Variants in REPS2 observed in about 807,000 individuals in gnomAD.
The protein encoded by REPS2 is ralBP1-associated Eps domain-containing protein 2.
A neutral mutation model predicts 53.6 loss-of-function variants in REPS2; 23 were observed. That is an observed-to-expected ratio of 0.43 (90% CI 0.31 to 0.61). The LOEUF is 0.61. Among genes scored for constraint, REPS2 ranks in the 20% least tolerant of loss-of-function variants. The pLI is 0.11. For missense variants in REPS2, 446 were observed against 534.9 expected (o/e 0.83, Z 1.64); for synonymous variants, 238 against 218.6 (o/e 1.09, Z -0.78).
chrX:17,191,804 G>T, the REPS2 span, among the ~76,000 whole-genome samples: 1 of 112,423 alleles, frequency 8.9e-6, no homozygotes, highest in African/African-American at 3.2e-5. Flanking sequence ...TTCCATTTAC[G>T]TGACACTGTG....
intron 14 of REPS2, among the ~76,000 whole-genome samples, chrX:17,128,817 T>C (rs2063254337): frequency 8.9e-6 from 1 of 111,922 alleles, no homozygotes; most frequent in South Asian, 3.7e-4. Flanking sequence ...CATTGCAAAA[T>C]TAGAGTGAAA....
intron 14 of REPS2, 47 bp downstream of exon 14, chrX:17,103,826 T>C: frequency 9.0e-7 from 1 of 1,114,784 alleles, no homozygotes; most frequent in Non-Finnish European, 1.2e-6. Flanking sequence ...GGTAGGGAAG[T>C]TGTCCTATCG....
intron 14 of REPS2, among the ~76,000 whole-genome samples, chrX:17,108,961 T>G (rs1297715752): frequency 2.3e-4 from 24 of 102,175 alleles, no homozygotes; most frequent in African/African-American, 7.6e-4. Context: ...AGAGCTTTAC[T>G]GCAGATTTAA....
chrX:17,025,260 TC>T, intron 4 of REPS2, 75 bp downstream of exon 4: 1 of 993,855 alleles, frequency 1.0e-6, no homozygotes, highest in Non-Finnish European at 1.3e-6. Context: ...CGGTAACGCT[TC>T]AAGCTGCTTA....
At chrX:16,976,394 C>T (rs1315349264) in intron 1 of REPS2, among the ~76,000 whole-genome samples, 2 of 110,556 alleles carry the variant, frequency 1.8e-5, no homozygotes, top group Non-Finnish European at 3.8e-5. Flanking sequence ...TGAAATTATT[C>T]CTCTAGGGTG....
At chrX:17,079,328 C>T (rs897315830) in intron 13 of REPS2, among the ~76,000 whole-genome samples, 5 of 111,759 alleles carry the variant, frequency 4.5e-5, no homozygotes, top group Non-Finnish European at 9.4e-5. Flanking sequence ...AACACCCCGA[C>T]TTCCTTGACC....
intron 11 of REPS2, among the ~76,000 whole-genome samples, chrX:17,072,589 G>T (rs943614367): frequency 8.9e-6 from 1 of 112,641 alleles, no homozygotes; most frequent in African/African-American, 3.2e-5. Context: ...AGTCACCATG[G>T]TCTGATTTGG....
chrX:17,003,184 G>A (rs2061326610), intron 1 of REPS2, among the ~76,000 whole-genome samples: 1 of 111,766 alleles, frequency 8.9e-6, no homozygotes, highest in South Asian at 3.7e-4. Flanking sequence ...AATACCAATT[G>A]TGCTGTGTTG....
At chrX:16,966,050 G>GATGGCAGCAGTACTGTCCAGCTTCGGC (rs2060762466) in intron 1 of REPS2, among the ~76,000 whole-genome samples, 1 of 112,563 alleles carries the variant, frequency 8.9e-6, no homozygotes, top group African/African-American at 3.2e-5. Context: ...AGTGAGCCGA[G>GATGGCAGCAGTACTGTCCAGCTTCGGC]ATGGCAGCAG....
intron 1 of REPS2, among the ~76,000 whole-genome samples, chrX:16,961,549 A>G (rs949519580): frequency 1.8e-5 from 2 of 111,953 alleles, no homozygotes; most frequent in Non-Finnish European, 3.8e-5. Flanking sequence ...CTAGAAGAAA[A>G]CATAGGGGAA....
intron 5 of REPS2, among the ~76,000 whole-genome samples, chrX:17,036,089 A>T (rs1233928452): frequency 8.9e-6 from 1 of 112,196 alleles, no homozygotes; most frequent in Non-Finnish European, 1.9e-5. Context: ...TTGTTTGCAG[A>T]TATATGGGAG....
intron 3 of REPS2, among the ~76,000 whole-genome samples, chrX:17,024,601 T>G (rs1352489561): frequency 9.1e-6 from 1 of 109,417 alleles, no homozygotes; most frequent in Admixed American, 9.8e-5. Context: ...CATGGTAAGC[T>G]CCAAGAATAT....
intron 14 of REPS2, among the ~76,000 whole-genome samples, chrX:17,119,868 C>CTTTTTTTTTT (rs35141257): frequency 4.9e-5 from 2 of 40,516 alleles, no homozygotes; most frequent in African/African-American, 2.4e-4. Context: ...CGCACTGTGA[C>CTTTTTTTTTT]TTTTTTTTTT....
intron 13 of REPS2, among the ~76,000 whole-genome samples, 199 bp from the exon 14 acceptor site, chrX:17,103,519 C>T (rs2062834307): frequency 9.0e-6 from 1 of 111,642 alleles, no homozygotes; most frequent in African/African-American, 3.3e-5. Flanking sequence ...TACATAAATA[C>T]TTGAGTTTGG....
chrX:17,146,198 G>A (rs764564252), intron 17 of REPS2, among the ~76,000 whole-genome samples: 81 of 110,069 alleles, frequency 7.4e-4, no homozygotes, highest in Non-Finnish European at 1.3e-3. Flanking sequence ...GGCCCTGTAC[G>A]ATCTGGCTCC....
chrX:17,116,819 T>C (rs751425424), intron 14 of REPS2, among the ~76,000 whole-genome samples: 1 of 112,351 alleles, frequency 8.9e-6, no homozygotes, highest in East Asian at 2.8e-4. Flanking sequence ...TCTATTTTTG[T>C]TTTTGTCAGG....
intron 12 of REPS2, among the ~76,000 whole-genome samples, chrX:17,076,605 A>G (rs2062384833): frequency 8.9e-6 from 1 of 112,235 alleles, no homozygotes; most frequent in African/African-American, 3.2e-5. Flanking sequence ...GACCTTTTGC[A>G]AGTTATTTAG....
chrX:17,182,042 C>T, the REPS2 span, among the ~76,000 whole-genome samples: 3 of 111,713 alleles, frequency 2.7e-5, no homozygotes, highest in East Asian at 8.4e-4. Context: ...GCAACAGCCT[C>T]AAGGAATAGA....
At chrX:17,014,912 A>G (rs930148922) in intron 2 of REPS2, among the ~76,000 whole-genome samples, 2 of 113,326 alleles carry the variant, frequency 1.8e-5, no homozygotes, top group Admixed American at 1.9e-4. Flanking sequence ...TACTAGAAAG[A>G]ATTTTAATGT....
Sources: gnomAD v4.1 joint callset for allele counts (sites outside exome capture counted in the v4.1 genomes callset) on GRCh38, gnomAD v4.1.1 for gene constraint, MANE v1.5 for transcripts, NCBI Gene and HGNC (gene_info 2026-07-23, HGNC 2026-07-21) for gene names.